The following BMAL2 variants were observed in gnomAD, a reference collection of about 807,000 sequenced individuals.
BMAL2 encodes basic helix-loop-helix ARNT-like protein 2.
At chr12:27,418,930 T>C in the BMAL2 span, among the ~76,000 whole-genome samples, 3 of 149,916 alleles carry the variant, frequency 2.0e-5, no homozygotes, top group Non-Finnish European at 4.4e-5. Flanking sequence ...AGTGAGCCAA[T>C]GTCGTACTGC....
At chr12:27,336,995 C>T in the BMAL2 span, among the ~76,000 whole-genome samples, 1 of 146,946 alleles carries the variant, frequency 6.8e-6, no homozygotes, top group South Asian at 2.2e-4. Context: ...CTTAAAACTT[C>T]TTAAAATCAG....
At chr12:27,339,718 G>A in the BMAL2 span, among the ~76,000 whole-genome samples, 3 of 151,584 alleles carry the variant, frequency 2.0e-5, no homozygotes, top group Non-Finnish European at 2.9e-5. Flanking sequence ...TCCGCCTCCC[G>A]GGTTCATGCC....
the BMAL2 span, among the ~76,000 whole-genome samples, chr12:27,358,142 A>G: frequency 2.0e-5 from 3 of 152,284 alleles, no homozygotes; most frequent in South Asian, 6.2e-4. Flanking sequence ...AATCTTCGCT[A>G]TCTATACATC....
chr12:27,372,054 C>T, the BMAL2 span, among the ~76,000 whole-genome samples: 1 of 152,094 alleles, frequency 6.6e-6, no homozygotes, highest in South Asian at 2.1e-4. Flanking sequence ...CATGGTGAAA[C>T]CCCATCTCTA....
At chr12:27,385,804 G>A in the BMAL2 span, among the ~76,000 whole-genome samples, 60 of 152,200 alleles carry the variant, frequency 3.9e-4, no homozygotes, top group Middle Eastern at 6.8e-3. Flanking sequence ...TCAGTGCTAA[G>A]CATTTTATAC....
the BMAL2 span, among the ~76,000 whole-genome samples, chr12:27,338,377 TTATATC>T: frequency 1.3e-5 from 2 of 151,968 alleles, no homozygotes; most frequent in Non-Finnish European, 2.9e-5. Flanking sequence ...TTGGGAGAAA[TTATATC>T]TAGTTCATGA....
the BMAL2 span, chr12:27,418,127 A>G: frequency 1.9e-6 from 3 of 1,613,138 alleles, no homozygotes; most frequent in African/African-American, 4.0e-5. Flanking sequence ...TCCTTCTGAA[A>G]TGGGGGAGCT....
chr12:27,344,489 G>A, the BMAL2 span, among the ~76,000 whole-genome samples: 6 of 152,342 alleles, frequency 3.9e-5, no homozygotes, highest in South Asian at 1.2e-3. Context: ...GGTTAGGCAA[G>A]ACTGAAACCC....
the BMAL2 span, among the ~76,000 whole-genome samples, chr12:27,405,097 C>T: frequency 3.3e-5 from 5 of 151,894 alleles, no homozygotes; most frequent in Non-Finnish European, 5.9e-5. Flanking sequence ...ACAAAGCAGC[C>T]GGGAAGCTCG....
chr12:27,359,868 G>C, the BMAL2 span, among the ~76,000 whole-genome samples: 5 of 151,674 alleles, frequency 3.3e-5, no homozygotes, highest in Non-Finnish European at 7.4e-5. Context: ...GGAATCTGGA[G>C]GAGCAGGATC....
At chr12:27,415,872 A>G in the BMAL2 span, 93 of 1,601,118 alleles carry the variant, frequency 5.8e-5, no homozygotes, top group Non-Finnish European at 7.5e-5. Flanking sequence ...TTTAAAGGTT[A>G]CAGTCTTCTT....
chr12:27,334,087 GT>G, the BMAL2 span, among the ~76,000 whole-genome samples: 1 of 152,142 alleles, frequency 6.6e-6, no homozygotes, highest in Non-Finnish European at 1.5e-5. Flanking sequence ...ATGAGAGGAG[GT>G]GGCTTTCGAA....
the BMAL2 span, among the ~76,000 whole-genome samples, chr12:27,344,395 AG>A: frequency 6.6e-6 from 1 of 152,234 alleles, no homozygotes; most frequent in Non-Finnish European, 1.5e-5. Context: ...GTATTAGTCA[AG>A]GTTCAACCAG....
At chr12:27,370,230 G>C in the BMAL2 span, 1 of 1,608,632 alleles carries the variant, frequency 6.2e-7, no homozygotes, top group Non-Finnish European at 8.5e-7. Context: ...AGTGGCAGCA[G>C]GTAAGTCCTG....
chr12:27,377,421 C>T, the BMAL2 span: 2 of 152,286 alleles, frequency 1.3e-5, no homozygotes, highest in East Asian at 1.9e-4. Flanking sequence ...TTCTCCCACC[C>T]TGCTCTCATC....
At chr12:27,404,865 A>G in the BMAL2 span, among the ~76,000 whole-genome samples, 2 of 152,324 alleles carry the variant, frequency 1.3e-5, no homozygotes, top group South Asian at 2.1e-4. Context: ...AAGGGGTGAC[A>G]GATGGGCACC....
At chr12:27,362,287 T>C in the BMAL2 span, among the ~76,000 whole-genome samples, 1 of 152,150 alleles carries the variant, frequency 6.6e-6, no homozygotes, top group African/African-American at 2.4e-5. Flanking sequence ...GCTGAAGCCA[T>C]ATTTGATCTC....
the BMAL2 span, among the ~76,000 whole-genome samples, chr12:27,349,489 CT>C: frequency 6.6e-6 from 1 of 152,098 alleles, no homozygotes; most frequent in Non-Finnish European, 1.5e-5. Flanking sequence ...CATTATAGTT[CT>C]GATTTAATCT....
chr12:27,421,031 A>C, the BMAL2 span: 1 of 152,868 alleles, frequency 6.5e-6, no homozygotes, highest in African/African-American at 2.4e-5. Context: ...GGGACAGTGC[A>C]ATTTATAGTC....
Sources: gnomAD v4.1 joint callset for allele counts (sites outside exome capture counted in the v4.1 genomes callset) on GRCh38, gnomAD v4.1.1 for gene constraint, MANE v1.5 for transcripts, NCBI Gene and HGNC (gene_info 2026-07-23, HGNC 2026-07-21) for gene names.